The following SCHIP1 variants were observed in gnomAD, a reference collection of about 807,000 sequenced individuals.
SCHIP1 encodes the protein schwannomin-interacting protein 1.
Under a neutral mutation model 29.7 loss-of-function variants are expected in SCHIP1, and 8 were observed. That is an observed-to-expected ratio of 0.27 (90% CI 0.16 to 0.49). The LOEUF is 0.49. Among genes scored for constraint, SCHIP1 ranks in the 20% least tolerant of loss-of-function variants. SCHIP1 has a pLI of 0.99. For synonymous variants in SCHIP1, 76 were observed against 94.9 expected (o/e 0.80, Z 1.16); for missense variants, 193 against 294.6 (o/e 0.66, Z 2.52).
chr3:159,724,568 C>T, the SCHIP1 span, among the ~76,000 whole-genome samples: 1 of 152,154 alleles, frequency 6.6e-6, no homozygotes, highest in Non-Finnish European at 1.5e-5. Flanking sequence ...AATCTTTACC[C>T]ACCTCCCTTT....
chr3:159,709,003 T>A, the SCHIP1 span, among the ~76,000 whole-genome samples: 1 of 152,140 alleles, frequency 6.6e-6, no homozygotes, highest in Non-Finnish European at 1.5e-5. Context: ...GGAGCCTGGG[T>A]CATGTGATCC....
At chr3:159,527,464 GA>G in the SCHIP1 span, among the ~76,000 whole-genome samples, 2 of 152,142 alleles carry the variant, frequency 1.3e-5, no homozygotes, top group Admixed American at 6.5e-5. Flanking sequence ...GTGACACTAA[GA>G]AACAATTGAC....
the SCHIP1 span, among the ~76,000 whole-genome samples, chr3:159,540,511 G>A: frequency 2.6e-5 from 4 of 152,042 alleles, no homozygotes; most frequent in African/African-American, 9.7e-5. Context: ...TCCAAGGGAA[G>A]GCACTTTTTA....
At chr3:159,451,574 T>C in the SCHIP1 span, among the ~76,000 whole-genome samples, 1 of 152,220 alleles carries the variant, frequency 6.6e-6, no homozygotes, top group Non-Finnish European at 1.5e-5. Flanking sequence ...AAAAAATAAA[T>C]CAATACTTTA....
At chr3:159,551,481 G>A in the SCHIP1 span, among the ~76,000 whole-genome samples, 2 of 152,106 alleles carry the variant, frequency 1.3e-5, no homozygotes, top group African/African-American at 2.4e-5. Context: ...TCAAGATTGG[G>A]AGATTGTGAT....
At chr3:159,468,737 A>ATAATATAATATATAT in the SCHIP1 span, among the ~76,000 whole-genome samples, 1 of 132,996 alleles carries the variant, frequency 7.5e-6, no homozygotes, top group Non-Finnish European at 1.6e-5. Context: ...TATATAATAT[A>ATAATATAATATATAT]ATATATAATA....
the SCHIP1 span, among the ~76,000 whole-genome samples, chr3:159,518,104 T>C: frequency 6.6e-6 from 1 of 152,096 alleles, no homozygotes; most frequent in Non-Finnish European, 1.5e-5. Context: ...TTCAAAAACA[T>C]TTTTGGGCAA....
chr3:159,724,062 A>AT, the SCHIP1 span, among the ~76,000 whole-genome samples: 81 of 152,142 alleles, frequency 5.3e-4, no homozygotes, highest in Admixed American at 1.6e-3. Flanking sequence ...AAGTTCCTGT[A>AT]TTTTTTCCAA....
chr3:159,515,952 A>C, the SCHIP1 span, among the ~76,000 whole-genome samples: 1 of 151,158 alleles, frequency 6.6e-6, no homozygotes, highest in Non-Finnish European at 1.5e-5. Context: ...ATAAGTGCCA[A>C]GTGAAAAATA....
At chr3:159,809,798 C>T in the SCHIP1 span, among the ~76,000 whole-genome samples, 38 of 152,028 alleles carry the variant, frequency 2.5e-4, no homozygotes, top group East Asian at 2.3e-3. Context: ...CCCAGGAGTT[C>T]GAGACCAGCC....
upstream of SCHIP1, among the ~76,000 whole-genome samples, chr3:159,838,706 C>T (rs550695994): frequency 2.6e-5 from 4 of 151,170 alleles, no homozygotes; most frequent in Non-Finnish European, 4.4e-5. Flanking sequence ...CTGGCTAACA[C>T]GGTGAAACCC....
chr3:159,810,633 A>G, the SCHIP1 span, among the ~76,000 whole-genome samples: 17 of 152,346 alleles, frequency 1.1e-4, no homozygotes, highest in Middle Eastern at 0.014. Flanking sequence ...ATGCTGTAGC[A>G]CATAACAGTA....
chr3:159,633,532 C>A, the SCHIP1 span, among the ~76,000 whole-genome samples: 1 of 152,008 alleles, frequency 6.6e-6, no homozygotes, highest in African/African-American at 2.4e-5. Flanking sequence ...AAATCACATA[C>A]AAAATTCAAA....
chr3:159,448,288 TAGTGA>T, the SCHIP1 span, among the ~76,000 whole-genome samples: 1 of 151,962 alleles, frequency 6.6e-6, no homozygotes, highest in Non-Finnish European at 1.5e-5. Flanking sequence ...CTGGCTAACA[TAGTGA>T]AACCCTGTCT....
chr3:159,811,497 C>T, the SCHIP1 span, among the ~76,000 whole-genome samples: 1 of 152,214 alleles, frequency 6.6e-6, no homozygotes, highest in Non-Finnish European at 1.5e-5. Flanking sequence ...CATCTTTCTG[C>T]ATGCAGATAT....
chr3:159,619,087 C>T, the SCHIP1 span, among the ~76,000 whole-genome samples: 51 of 152,176 alleles, frequency 3.4e-4, no homozygotes, highest in African/African-American at 1.1e-3. Context: ...ACCAAGTCAA[C>T]CATGGAAAGC....
At chr3:159,623,679 C>G in the SCHIP1 span, among the ~76,000 whole-genome samples, 2 of 152,150 alleles carry the variant, frequency 1.3e-5, no homozygotes, top group African/African-American at 4.8e-5. Flanking sequence ...CTGCTTCTTA[C>G]ATTACCTTTA....
the SCHIP1 span, among the ~76,000 whole-genome samples, chr3:159,479,874 C>T: frequency 1.3e-5 from 2 of 152,164 alleles, no homozygotes; most frequent in Non-Finnish European, 2.9e-5. Context: ...AAGCTCTTTT[C>T]CTTACATCAT....
At chr3:159,798,718 A>G in the SCHIP1 span, among the ~76,000 whole-genome samples, 319 of 152,132 alleles carry the variant, frequency 2.1e-3, 1 homozygote, top group African/African-American at 7.3e-3. Context: ...ATATCATGCC[A>G]TTGCACTCCA....
Sources: allele counts gnomAD v4.1 joint callset (sites outside exome capture counted in the v4.1 genomes callset), GRCh38; gene constraint gnomAD v4.1.1; transcripts MANE v1.5; gene names NCBI Gene and HGNC (gene_info 2026-07-23, HGNC 2026-07-21).